PI4KA: variants seen among roughly 807,000 people sequenced by gnomAD.
PI4KA encodes PI4-kinase alpha.
A neutral mutation model predicts 271.4 loss-of-function variants in PI4KA; 122 were observed. The ratio of observed to expected loss-of-function variants is 0.45; its 90% confidence interval spans 0.39 to 0.52. The LOEUF is 0.52. Ranked by LOEUF, PI4KA falls within the 20% of genes least tolerant of loss-of-function variation. The probability of loss-of-function intolerance (pLI) is 0.00; values close to 1 mark genes in which losing one functional copy is unlikely to be tolerated. For synonymous variants in PI4KA, 1,041 were observed against 1,078.8 expected (o/e 0.96, Z 0.69); for missense variants, 1,969 against 2,769.1 (o/e 0.71, Z 6.48).
chr22:20,820,848 G>A (rs1056155238), intron 4 of PI4KA, among the ~76,000 whole-genome samples: 1 of 152,134 alleles, frequency 6.6e-6, no homozygotes, highest in Non-Finnish European at 1.5e-5. Context: ...TGTCCTCCTG[G>A]GGCTTGTACC....
chr22:20,798,752 C>T, intron 16 of PI4KA, 65 bp from the exon 17 acceptor site: 1 of 1,046,740 alleles, frequency 9.6e-7, no homozygotes, highest in East Asian at 2.4e-5. Flanking sequence ...CCTGTCATCA[C>T]CTAGAGAGAA....
In PI4KA at chr22:20,718,705, G is replaced by A. The variant is rs1404611723; in HGVS notation, c.5234C>T (p.Ser1745Leu). The A allele has an allele frequency of 2.5e-6, 4 of 1,613,508 alleles. No homozygotes were observed. Among genetic ancestry groups the A allele is most frequent in the Middle Eastern group, 1.8e-4 (1 of 5,654 alleles). Residue 1745 changes from serine (S) to leucine (L), a missense_variant, in exon 44 of 55, where the codon TCG (serine) becomes TTG (leucine). Transcript: ENST00000255882. ...FDFFNKITNV[S>L]AIIKPYPKGD... Reference sequence around the variant, plus strand: ...GCACTGCACTTACTTGATGATAGCCGACACGTTGGTGATCTTGTTAAAGAA... The same window carrying A: ...GCACTGCACTTACTTGATGATAGCCAACACGTTGGTGATCTTGTTAAAGAA...
intron 2 of PI4KA, among the ~76,000 whole-genome samples, 157 bp downstream of exon 2, chr22:20,838,458 C>T (rs577473534): frequency 3.3e-5 from 5 of 152,180 alleles, no homozygotes; most frequent in Non-Finnish European, 5.9e-5. Flanking sequence ...TAGGAAGTTT[C>T]ATTCCCACCT....
intron 23 of PI4KA, among the ~76,000 whole-genome samples, chr22:20,755,741 G>T (rs1455254419): frequency 6.6e-6 from 1 of 151,634 alleles, no homozygotes; most frequent in Non-Finnish European, 1.5e-5. Context: ...GGTAGAGGTT[G>T]CAGGGAGCTG....
chr22:20,848,985 A>T (rs576668005), intron 1 of PI4KA, among the ~76,000 whole-genome samples: 2 of 152,222 alleles, frequency 1.3e-5, no homozygotes, highest in South Asian at 2.1e-4. Flanking sequence ...CAACTTAATT[A>T]AAAAAATACT....
chr22:20,828,719 TA>T (rs112374616), intron 3 of PI4KA, among the ~76,000 whole-genome samples: 209 of 152,210 alleles, frequency 1.4e-3, no homozygotes, highest in African/African-American at 4.7e-3. Flanking sequence ...CATGCCTGGC[TA>T]ATTTTTTGTA....
intron 19 of PI4KA, among the ~76,000 whole-genome samples, chr22:20,787,962 C>T (rs1268403157): frequency 6.6e-6 from 1 of 152,176 alleles, no homozygotes; most frequent in African/African-American, 2.4e-5. Flanking sequence ...CAGTCTATGC[C>T]AGGCTGCTGC....
chr22:20,732,035 G>A (rs373926250), intron 36 of PI4KA, among the ~76,000 whole-genome samples: 4 of 151,706 alleles, frequency 2.6e-5, no homozygotes, highest in African/African-American at 7.3e-5. Context: ...TTAGGCAGGC[G>A]TGGTGGCAGG....
rs528480069 is a variant in PI4KA at position 20,832,177 on chromosome 22, G to A, written c.367+2385C>T. On this transcript the variant is annotated intron_variant, in intron 3 of 54. Transcript: ENST00000255882. The stretch of plus-strand genomic sequence containing the variant: ...GTTGCCCAGGCTGGAGTGCAGTGGC[G>A]CGATCTCGGCTCACTGTTGCCTCTG... 1.3e-4 allele frequency among the ~76,000 whole-genome samples: 19 copies of A among 147,416 alleles called. No individual in the cohort carries two copies. The East Asian group carries it at 2.6e-3, about 20-fold the overall frequency.
At chr22:20,805,872 A>C (rs1324491254) in intron 10 of PI4KA, among the ~76,000 whole-genome samples, 1 of 151,880 alleles carries the variant, frequency 6.6e-6, no homozygotes, top group East Asian at 1.9e-4. Flanking sequence ...TTGTCAGATA[A>C]GGGCAAAAAC....
rs571968315 is a variant in PI4KA, at chr22:20,711,130, T to C, written c.5923+211A>G. ...AGCTCCAGCTTCTGACTCAGAGCAA[T>C]GGCGGCTCTCGCCCTAGCTCCCTGG... On this transcript the variant is annotated intron_variant, in intron 51 of 54. Transcript: ENST00000255882. The C allele has an allele frequency of 8.4e-4, 459 of 543,906 alleles. No individual in the cohort carries two copies. In the African/African-American group the frequency reaches 0.01, roughly 12 times the overall value. 33.7% of individuals were successfully genotyped at this position (543,906 alleles called of 1,614,324 possible).
intron 12 of PI4KA, among the ~76,000 whole-genome samples, chr22:20,803,571 C>A (rs1757723250): frequency 6.6e-6 from 1 of 152,216 alleles, no homozygotes; most frequent in African/African-American, 2.4e-5. Flanking sequence ...GTCGCCCAGG[C>A]TGGAGTGCAG....
chr22:20,726,562 T>C, intron 41 of PI4KA, 21 bp from the exon 42 acceptor site: 2 of 1,579,434 alleles, frequency 1.3e-6, no homozygotes, highest in Non-Finnish European at 8.6e-7. Flanking sequence ...GGAGCAGAGT[T>C]GGCCATGACT....
intron 47 of PI4KA, among the ~76,000 whole-genome samples, chr22:20,713,631 G>A (rs995243830): frequency 6.6e-6 from 1 of 152,228 alleles, no homozygotes; most frequent in Admixed American, 6.5e-5. Context: ...TAAAAACAGA[G>A]CCCCATTTCA....
At chr22:20,843,294 A>G (rs1925824330) in intron 1 of PI4KA, among the ~76,000 whole-genome samples, 1 of 152,284 alleles carries the variant, frequency 6.6e-6, no homozygotes, top group South Asian at 2.1e-4. Flanking sequence ...GTTCAAGACC[A>G]GGCTGGGCAA....
intron 1 of PI4KA, among the ~76,000 whole-genome samples, chr22:20,842,917 T>A (rs1290377777): frequency 6.6e-6 from 1 of 151,122 alleles, no homozygotes; most frequent in East Asian, 2.0e-4. Context: ...GAGACCACAG[T>A]GAAACCCCGT....
Position 20,819,696 on chromosome 22 carries a change from A to T in PI4KA, c.734T>A (p.Val245Asp), listed in dbSNP as rs368518824. ...CCTCTTCAGGGTACCCTCCTGACAG[A>T]CAGTCAGCAGATTGCTGGGGAGGAT... ...RSILPSNLLT[V>D]CQEGTLKRKT... is the part of the protein sequence containing the mutation. Residue 245 changes from valine to aspartate, a missense_variant, in exon 6 of 55, where the codon GTC becomes GAC. Around this residue, in one of 13 missense-constraint regions of PI4KA, gnomAD observed 540 missense variants for 555.5 expected, o/e 0.97. Coordinates refer to ENST00000255882, the MANE Select transcript of PI4KA (RefSeq NM_058004.4). 4 of 1,613,826 alleles carry T rather than the reference A, an allele frequency of 2.5e-6. No homozygotes were observed. Among genetic ancestry groups the T allele is most frequent in the Non-Finnish European group, 3.4e-6 (4 of 1,179,854 alleles).
chr22:20,829,613 G>A (rs905839338), intron 3 of PI4KA, among the ~76,000 whole-genome samples: 1 of 150,534 alleles, frequency 6.6e-6, no homozygotes, highest in African/African-American at 2.5e-5. Context: ...ACCAACTCCT[G>A]GATTTGTTGA....
intron 1 of PI4KA, among the ~76,000 whole-genome samples, chr22:20,854,470 G>T (rs934522332): frequency 3.3e-5 from 5 of 152,032 alleles, no homozygotes; most frequent in Non-Finnish European, 7.4e-5. Flanking sequence ...TAATAGGCTT[G>T]GTTTCATGGA....
Sources: gnomAD v4.1 joint callset for allele counts (sites outside exome capture counted in the v4.1 genomes callset) on GRCh38, gnomAD v4.1.1 for gene constraint, gnomAD v4.1.1 regional missense constraint, MANE v1.5 for transcripts, NCBI Gene and HGNC (gene_info 2026-07-23, HGNC 2026-07-21) for gene names.